GPATCH2: variants seen among roughly 807,000 people sequenced by gnomAD.
GPATCH2 encodes the protein G-patch domain containing 2, also known as G patch domain-containing protein 2.
In GPATCH2, 51 loss-of-function variants were observed where a neutral mutation model predicts 58.0. The ratio of observed to expected loss-of-function variants is 0.88; its 90% CI spans 0.70 to 1.11. The LOEUF is 1.11. GPATCH2 is among the 50% of genes most tolerant of loss of function. GPATCH2 has a pLI of 0.00. For synonymous variants in GPATCH2, 222 were observed against 218.5 expected (o/e 1.02, Z -0.14); for missense variants, 625 against 652.2 (o/e 0.96, Z 0.45).
chr1:217,547,451 C>A (rs940934096), intron 5 of GPATCH2, among the ~76,000 whole-genome samples: 1 of 152,004 alleles, frequency 6.6e-6, no homozygotes, highest in Admixed American at 6.6e-5. Flanking sequence ...AACCATTGTG[C>A]GAGATAGTGT....
At chr1:217,565,991 C>T (rs979412184) in intron 5 of GPATCH2, among the ~76,000 whole-genome samples, 3 of 149,674 alleles carry the variant, frequency 2.0e-5, no homozygotes, top group Non-Finnish European at 4.4e-5. Context: ...ATCCCAGCTA[C>T]TAGGGAGGCT....
intron 2 of GPATCH2, among the ~76,000 whole-genome samples, chr1:217,616,114 A>G (rs765486950): frequency 1.3e-5 from 2 of 152,174 alleles, no homozygotes; most frequent in Admixed American, 6.6e-5. Flanking sequence ...GTAATGTACA[A>G]TATTAACAAC....
At chr1:217,546,233 T>C (rs1665042085) in intron 5 of GPATCH2, among the ~76,000 whole-genome samples, 1 of 152,146 alleles carries the variant, frequency 6.6e-6, no homozygotes, top group South Asian at 2.1e-4. Flanking sequence ...AAGCAATTTA[T>C]AGATTAAATG....
At chr1:217,452,234 A>G (rs1659700802) in intron 8 of GPATCH2, among the ~76,000 whole-genome samples, 1 of 152,202 alleles carries the variant, frequency 6.6e-6, no homozygotes, top group African/African-American at 2.4e-5. Flanking sequence ...CATCTCAGTT[A>G]TAATAACTAA....
At chr1:217,470,559 A>G (rs567093922) in intron 8 of GPATCH2, among the ~76,000 whole-genome samples, 10 of 152,300 alleles carry the variant, frequency 6.6e-5, no homozygotes, top group African/African-American at 2.4e-4. Flanking sequence ...TATTTCATAT[A>G]ATGACAATTT....
intron 9 of GPATCH2, among the ~76,000 whole-genome samples, chr1:217,436,070 G>T (rs1658813514): frequency 6.6e-6 from 1 of 151,494 alleles, no homozygotes; most frequent in South Asian, 2.1e-4. Flanking sequence ...AAGAATAAAA[G>T]ACATGATCTG....
chr1:217,627,422 CTCCTTG>C (rs1341201407), intron 1 of GPATCH2, among the ~76,000 whole-genome samples: 6 of 151,912 alleles, frequency 3.9e-5, no homozygotes, highest in Non-Finnish European at 8.8e-5. Context: ...AGTTCATGGA[CTCCTTG>C]AAGACTCTAT....
intron 6 of GPATCH2, 94 bp from the exon 7 acceptor site, chr1:217,498,489 C>CA: frequency 1.1e-6 from 1 of 879,654 alleles, no homozygotes; most frequent in Non-Finnish European, 1.9e-6. Context: ...AAATTTGTCA[C>CA]CAGCAACACA....
intron 5 of GPATCH2, among the ~76,000 whole-genome samples, chr1:217,535,443 G>A (rs940508583): frequency 6.6e-6 from 1 of 151,988 alleles, no homozygotes; most frequent in African/African-American, 2.4e-5. Context: ...TCCGCTTCTC[G>A]GGTTCACGCC....
intron 6 of GPATCH2, among the ~76,000 whole-genome samples, chr1:217,510,254 AATTG>A (rs1404238883): frequency 5.9e-5 from 9 of 152,114 alleles, no homozygotes; most frequent in Admixed American, 5.2e-4. Context: ...TATCAATTAT[AATTG>A]ATTATAAATT....
chr1:217,605,456 A>G (rs1391663687), intron 5 of GPATCH2, among the ~76,000 whole-genome samples: 3 of 152,198 alleles, frequency 2.0e-5, no homozygotes, highest in African/African-American at 4.8e-5. Flanking sequence ...TACCAGCACC[A>G]ATGTATTCTT....
At chr1:217,469,070 A>T (rs1660604600) in intron 8 of GPATCH2, among the ~76,000 whole-genome samples, 1 of 152,156 alleles carries the variant, frequency 6.6e-6, no homozygotes, top group Non-Finnish European at 1.5e-5. Context: ...TTTGAAATTA[A>T]ATTAAGTTAT....
intron 8 of GPATCH2, among the ~76,000 whole-genome samples, chr1:217,476,689 C>A (rs1439005664): frequency 6.6e-6 from 1 of 152,150 alleles, no homozygotes; most frequent in African/African-American, 2.4e-5. Flanking sequence ...TAAACCAGCC[C>A]TAGCCAGAGG....
chr1:217,551,171 G>C (rs1158022787), intron 5 of GPATCH2, among the ~76,000 whole-genome samples: 1 of 151,124 alleles, frequency 6.6e-6, no homozygotes, highest in Non-Finnish European at 1.5e-5. Context: ...TGCAAATCTG[G>C]TTATGTCAGA....
chr1:217,434,119 A>C (rs1658696014), intron 9 of GPATCH2, among the ~76,000 whole-genome samples: 1 of 152,362 alleles, frequency 6.6e-6, no homozygotes, highest in South Asian at 2.1e-4. Context: ...CATGGAAACA[A>C]GTACCTTACC....
At chr1:217,483,299 C>A (rs1438162537) in intron 8 of GPATCH2, among the ~76,000 whole-genome samples, 1 of 152,086 alleles carries the variant, frequency 6.6e-6, no homozygotes, top group Non-Finnish European at 1.5e-5. Context: ...ATCCTCCTAC[C>A]TTGGCCTCCT....
intron 9 of GPATCH2, among the ~76,000 whole-genome samples, chr1:217,447,864 G>GA (rs1165824317): frequency 6.6e-6 from 1 of 152,118 alleles, no homozygotes; most frequent in Non-Finnish European, 1.5e-5. Flanking sequence ...CTGTGAGGCC[G>GA]AGGTGGGCGG....
intron 8 of GPATCH2, among the ~76,000 whole-genome samples, chr1:217,466,439 G>A (rs1243577846): frequency 6.6e-6 from 1 of 152,004 alleles, no homozygotes; most frequent in African/African-American, 2.4e-5. Flanking sequence ...GGCCCAGGCA[G>A]GTCTCAAACT....
intron 5 of GPATCH2, among the ~76,000 whole-genome samples, chr1:217,567,149 T>C (rs1666288841): frequency 6.6e-6 from 1 of 151,096 alleles, no homozygotes; most frequent in African/African-American, 2.4e-5. Flanking sequence ...TAGGTTCAAG[T>C]GATTCTCGTG....
Sources: allele counts gnomAD v4.1 joint callset (sites outside exome capture counted in the v4.1 genomes callset), GRCh38; gene constraint gnomAD v4.1.1; transcripts MANE v1.5; gene names NCBI Gene and HGNC (gene_info 2026-07-23, HGNC 2026-07-21).